TMPRSS5: variants seen among roughly 807,000 people sequenced by gnomAD.
The protein encoded by TMPRSS5 is transmembrane protease serine 5.
In TMPRSS5, 45 loss-of-function variants were observed where a neutral mutation model predicts 59.7. That is an observed-to-expected ratio of 0.75 (90% confidence interval 0.59 to 0.97). The LOEUF is 0.97. Ranked by LOEUF, TMPRSS5 falls within the 50% of genes least tolerant of loss-of-function variation. The pLI, the probability that TMPRSS5 is intolerant of heterozygous loss-of-function variation, is 0.00. For synonymous variants in TMPRSS5, 225 were observed against 232.0 expected (o/e 0.97, Z 0.27); for missense variants, 585 against 596.7 (o/e 0.98, Z 0.20).
chr11:113,705,089 T>C (rs1053344227), intron 1 of TMPRSS5, among the ~76,000 whole-genome samples: 5 of 152,166 alleles, frequency 3.3e-5, no homozygotes, highest in Non-Finnish European at 7.4e-5. Context: ...CCCTGCAGAC[T>C]ACTGTCTCCC....
chr11:113,688,912 TGAA>T (rs890159649), intron 12 of TMPRSS5, among the ~76,000 whole-genome samples: 2 of 152,120 alleles, frequency 1.3e-5, no homozygotes, highest in African/African-American at 4.8e-5. Context: ...ATTGAACAGA[TGAA>T]GGAGAGTGGC....
At chr11:113,700,805 C>T (rs1347432794) in intron 1 of TMPRSS5, among the ~76,000 whole-genome samples, 1 of 152,198 alleles carries the variant, frequency 6.6e-6, no homozygotes, top group African/African-American at 2.4e-5. Context: ...AGCTGTGTCC[C>T]CACCCAAAAT....
At chr11:113,688,715 A>C (rs1337412377) in intron 12 of TMPRSS5, among the ~76,000 whole-genome samples, 1 of 151,980 alleles carries the variant, frequency 6.6e-6, no homozygotes, top group East Asian at 1.9e-4. Flanking sequence ...GGTGCGTGCC[A>C]CCATGCCCAG....
At chr11:113,690,180 T>TCCCCCCCC in intron 11 of TMPRSS5, 51 bp downstream of exon 11, 2 of 187,990 alleles carry the variant, frequency 1.1e-5, no homozygotes, top group Non-Finnish European at 1.8e-5. Flanking sequence ...CCCCCTGCCC[T>TCCCCCCCC]CCCACCCCCA....
intron 5 of TMPRSS5, 125 bp downstream of exon 5, chr11:113,697,158 G>A (rs1278267339): frequency 2.1e-6 from 3 of 1,418,592 alleles, no homozygotes; most frequent in Admixed American, 4.0e-5. Flanking sequence ...CCAGAAGATG[G>A]CCAAAAAGAC....
chr11:113,701,591 C>T (rs1953135310), intron 1 of TMPRSS5, among the ~76,000 whole-genome samples: 1 of 151,764 alleles, frequency 6.6e-6, no homozygotes, highest in East Asian at 1.9e-4. Flanking sequence ...ATGTGTACAC[C>T]CACATGACCA....
intron 11 of TMPRSS5, 55 bp downstream of exon 11, chr11:113,690,176 G>GCCCACCCCCC: frequency 2.6e-6 from 1 of 388,230 alleles, no homozygotes; most frequent in Non-Finnish European, 4.2e-6. Context: ...CAGGCCCCCT[G>GCCCACCCCCC]CCCTCCCACC....
chr11:113,694,113 C>CA (rs1952857978), intron 8 of TMPRSS5, among the ~76,000 whole-genome samples: 1 of 151,914 alleles, frequency 6.6e-6, no homozygotes, highest in Admixed American at 6.6e-5. Flanking sequence ...ACTAAAAATA[C>CA]AAAAAATTAG....
intron 6 of TMPRSS5, among the ~76,000 whole-genome samples, chr11:113,696,272 C>T (rs891017803): frequency 1.3e-5 from 2 of 152,136 alleles, no homozygotes; most frequent in Admixed American, 1.3e-4. Flanking sequence ...ATTGAGGAAG[C>T]CTAGGAAGGC....
Position 113,690,860 on chromosome 11 carries a change from GC to G in TMPRSS5, c.1043del (p.Gly348AlafsTer62). On this transcript the variant is annotated frameshift_variant, in exon 10 of 13. Coordinates refer to ENST00000299882, the MANE Select transcript of TMPRSS5 (RefSeq NM_030770.4). LOFTEE classifies it high-confidence loss of function. ...ACTCACTATGGCTAGGGTGGGTGTG[GC>G]CCCAGCCAGACACCCAGCACCGCGA... ...KGSRCWVSGW[G>X]HTHPSHTYSS... 1 of 1,590,968 alleles carries G rather than the reference GC, an allele frequency of 6.3e-7. No homozygotes were observed.
In TMPRSS5 at chr11:113,699,609, C is replaced by T. The variant is rs867703812; in HGVS notation, c.191G>A (p.Gly64Asp). The T allele has an allele frequency of 6.3e-7, 1 of 1,577,822 alleles. No homozygotes were observed. The highest frequency in any genetic ancestry group is 2.3e-5 in the East Asian group (1 of 42,822). ...ALGLLAGAGV[G>D]SWLLVLYLCP... ...CCAGCACTGACCTAGGAGCCATGAGCCAACACCTGCACCGGCCAGCAGCCC... is the reference window on the plus strand; with the variant it reads ...CCAGCACTGACCTAGGAGCCATGAGTCAACACCTGCACCGGCCAGCAGCCC... Residue 64 changes from glycine to aspartate, a missense_variant, in exon 3 of 13, where the codon GGC becomes GAC. Gly to Asp is a moderately conservative substitution (Grantham distance 94, BLOSUM62 -1). Transcript: ENST00000299882.
At chr11:113,692,332 G>A (rs935462263) in intron 9 of TMPRSS5, among the ~76,000 whole-genome samples, 4 of 152,212 alleles carry the variant, frequency 2.6e-5, no homozygotes, top group Non-Finnish European at 4.4e-5. Context: ...ATATGTGTGT[G>A]TACAGTGTGC....
intron 5 of TMPRSS5, 41 bp from the exon 6 acceptor site, chr11:113,697,012 T>C (rs947276170): frequency 7.0e-6 from 10 of 1,437,548 alleles, no homozygotes; most frequent in African/African-American, 1.4e-5. Context: ...AAATCATAAC[T>C]GGAATATGTA....
intron 12 of TMPRSS5, 104 bp from the exon 13 acceptor site, chr11:113,688,378 T>G (rs1306723686): frequency 1.3e-6 from 1 of 777,038 alleles, no homozygotes; most frequent in Non-Finnish European, 2.2e-6. Flanking sequence ...TGATTTTCAC[T>G]TCTATCAAAT....
At position 113,695,339 on chromosome 11, in the gene TMPRSS5, G is replaced by C. The variant is rs1952898513; in HGVS notation, c.622+61C>G. The stretch of plus-strand genomic sequence containing the variant: ...CTCACCATAGGGCTCTTCCACACTT[G>C]AGGCAGGGGGAACACCCCTTCCTCT... On this transcript the variant is annotated intron_variant, in intron 7 of 12. Transcript: ENST00000299882. 2.5e-6 allele frequency: 4 copies of C among 1,586,680 alleles called. No individual in the cohort carries two copies. The South Asian group carries it at 4.5e-5, about 18-fold the overall frequency.
intron 2 of TMPRSS5, 74 bp from the exon 3 acceptor site, chr11:113,699,767 C>T: frequency 6.7e-7 from 1 of 1,481,532 alleles, no homozygotes; most frequent in East Asian, 2.5e-5. Context: ...TAAGTCACCA[C>T]TATGGGGCTA....
At position 113,688,205 on chromosome 11, in the gene TMPRSS5, G is replaced by T; in HGVS notation, c.*55C>A. ...TCCTCCATTAGTGGAGCTGCTGGAG[G>T]CCCCAGGAAGCATGAGGCAGTGGTG... On this transcript the variant is annotated 3_prime_UTR_variant, in exon 13 of 13. Coordinates refer to ENST00000299882, the MANE Select transcript of TMPRSS5 (RefSeq NM_030770.4). The T allele has an allele frequency of 6.5e-7, 1 of 1,550,192 alleles. No individual in the cohort carries two copies. Among genetic ancestry groups the T allele is most frequent in the East Asian group, 2.4e-5 (1 of 41,744 alleles).
intron 5 of TMPRSS5, 92 bp downstream of exon 5, chr11:113,697,191 T>C (rs771708261): frequency 8.6e-6 from 13 of 1,511,984 alleles, no homozygotes; most frequent in Admixed American, 3.8e-5. Flanking sequence ...CCTGAGCACA[T>C]TGACCAGTGA....
chr11:113,702,566 T>TAC (rs1425709799), intron 1 of TMPRSS5, among the ~76,000 whole-genome samples: 1 of 152,212 alleles, frequency 6.6e-6, no homozygotes, highest in African/African-American at 2.4e-5. Flanking sequence ...AGCTAAATGT[T>TAC]AATCACCAAG....
Sources: gnomAD v4.1 joint callset for allele counts (sites outside exome capture counted in the v4.1 genomes callset) on GRCh38, gnomAD v4.1.1 for gene constraint, MANE v1.5 for transcripts, NCBI Gene and HGNC (gene_info 2026-07-23, HGNC 2026-07-21) for gene names.